Variants in TXK observed in about 807,000 individuals in gnomAD.
TXK encodes the protein TXK tyrosine kinase.
Under a neutral mutation model 81.0 loss-of-function variants are expected in TXK, and 60 were observed. That is an observed-to-expected ratio of 0.74 (90% CI 0.60 to 0.92). The LOEUF (loss-of-function observed/expected upper bound fraction) is 0.92. Among genes scored for constraint, TXK ranks in the 40% least tolerant of loss-of-function variants. TXK has a pLI of 0.00. For synonymous variants in TXK, 203 were observed against 210.7 expected (o/e 0.96, Z 0.32); for missense variants, 581 against 638.3 (o/e 0.91, Z 0.97).
At chr4:48,124,568 T>G (rs1320131813) in intron 1 of TXK, among the ~76,000 whole-genome samples, 1 of 152,110 alleles carries the variant, frequency 6.6e-6, no homozygotes, top group Non-Finnish European at 1.5e-5. Flanking sequence ...CTCTTCTTTT[T>G]TTCCACTCAT....
At position 48,113,059 on chromosome 4, in the gene TXK, T is replaced by A. The variant is rs893099206; in HGVS notation, c.174+148A>T. On this transcript the variant is annotated intron_variant, in intron 3 of 14. Coordinates refer to ENST00000264316, the MANE Select transcript of TXK (RefSeq NM_003328.3). ...GTCTTTTCTTTTTCCTTTTACTTTC[T>A]TCTAGAACATTCCTTCACAAATTAC... 3 of 489,938 alleles carry A rather than the reference T, an allele frequency of 6.1e-6. No individual in the cohort carries two copies. In the South Asian group the frequency reaches 1.4e-4, roughly 23 times the overall value. 30.3% of individuals were successfully genotyped at this position (489,938 alleles called of 1,614,324 possible).
At chr4:48,114,602 T>C (rs916840280) in intron 1 of TXK, 200 bp from the exon 2 acceptor site, 1 of 584,488 alleles carries the variant, frequency 1.7e-6, no homozygotes, top group African/African-American at 1.9e-5. Context: ...GTTTCCCTTC[T>C]CAGGCTCTTC....
intron 13 of TXK, among the ~76,000 whole-genome samples, chr4:48,073,426 C>A (rs2109398207): frequency 6.6e-6 from 1 of 152,240 alleles, no homozygotes; most frequent in Non-Finnish European, 1.5e-5. Context: ...ATATGAATAT[C>A]AATTTATAGA....
At chr4:48,077,614 C>A (rs1213564955) in intron 11 of TXK, among the ~76,000 whole-genome samples, 2 of 151,998 alleles carry the variant, frequency 1.3e-5, no homozygotes, top group Non-Finnish European at 2.9e-5. Context: ...GAAAGACAAA[C>A]CTGCAGAGAC....
chr4:48,108,838 C>T (rs1718542453), intron 5 of TXK, among the ~76,000 whole-genome samples: 1 of 152,116 alleles, frequency 6.6e-6, no homozygotes, highest in African/African-American at 2.4e-5. Context: ...TAGCCAGAGC[C>T]TAGGCCTTGT....
At position 48,094,129 on chromosome 4, in the gene TXK, G is replaced by GT; in HGVS notation, c.656dup (p.His219GlnfsTer8). The GT allele has an allele frequency of 6.2e-7, 1 of 1,613,590 alleles. No individual in the cohort carries two copies. The highest frequency in any genetic ancestry group is 1.3e-5 in the African/African-American group (1 of 75,042). ...TTAACTCAGGGATTGATTGAAAGGC[G>GT]TGTCTTTCAGCCACATACCACTGTC... On this transcript the variant is annotated frameshift_variant, in exon 8 of 15. Transcript: ENST00000264316. LOFTEE classifies it high-confidence loss of function.
intron 14 of TXK, 96 bp from the exon 15 acceptor site, chr4:48,067,801 C>A: frequency 8.4e-7 from 1 of 1,196,668 alleles, no homozygotes; most frequent in Non-Finnish European, 1.2e-6. Context: ...TCACTTATAT[C>A]CCACTGCTCG....
At chr4:48,110,425 C>G in intron 5 of TXK, 113 bp downstream of exon 5, 2 of 693,850 alleles carry the variant, frequency 2.9e-6, no homozygotes, top group Non-Finnish European at 5.0e-6. Flanking sequence ...TTATTATTAA[C>G]GCTGTCAAAT....
At chr4:48,069,433 C>A (rs1392077231) in intron 14 of TXK, among the ~76,000 whole-genome samples, 6 of 150,504 alleles carry the variant, frequency 4.0e-5, no homozygotes, top group Non-Finnish European at 7.4e-5. Context: ...TCAAACAATT[C>A]TCCTGCCTCA....
rs557414922 is a variant in TXK at position 48,112,338 on chromosome 4, G to A, written c.349C>T (p.Pro117Ser). The A allele has an allele frequency of 6.2e-7, 1 of 1,614,182 alleles. No homozygotes were observed. Among genetic ancestry groups the A allele is most frequent in the South Asian group, 1.1e-5 (1 of 91,080 alleles). The change falls in exon 4 of 15, where the codon CCT (proline) becomes TCT (serine). Residue 117 changes from proline to serine, a missense_variant. Pro to Ser is a moderately conservative substitution (Grantham distance 74). Transcript: ENST00000264316. ...CGGTCTCTTGCCTTCCACCAGTGAG[G>A]ATTGTATTTCTCCAGTATCAGGTAT... ...EEYLILEKYN[P>S]HWWKARDRLG...
intron 10 of TXK, among the ~76,000 whole-genome samples, chr4:48,086,052 C>T (rs6832750): frequency 0.88 from 133,362 of 152,152 alleles, 61,134 homozygotes; most frequent in East Asian, 1. Context: ...TAGACACTGT[C>T]GTGGGGCCAG....
chr4:48,113,189 TG>T lies in TXK; in HGVS notation c.174+17del, dbSNP rs1287349394. ...CAACCTTCTCCATTCCCCTCTTGCCTGTCAAAATGATACTTACTTGCTTCTT... is the reference window on the plus strand; with the variant it reads ...CAACCTTCTCCATTCCCCTCTTGCCTTCAAAATGATACTTACTTGCTTCTT... On this transcript the variant is annotated intron_variant, in intron 3 of 14. Transcript: ENST00000264316. 6.3e-7 allele frequency: 1 copy of T among 1,591,392 alleles called. No homozygotes were observed. Among genetic ancestry groups the T allele is most frequent in the Non-Finnish European group, 8.6e-7 (1 of 1,159,884 alleles).
chr4:48,070,530 T>C (rs895165533), intron 14 of TXK, among the ~76,000 whole-genome samples: 4 of 152,186 alleles, frequency 2.6e-5, no homozygotes, highest in African/African-American at 9.7e-5. Flanking sequence ...ACAAGCCTGG[T>C]TCTACCCTTA....
intron 9 of TXK, among the ~76,000 whole-genome samples, chr4:48,087,547 T>C (rs1224748839): frequency 6.6e-6 from 1 of 152,152 alleles, no homozygotes; most frequent in African/African-American, 2.4e-5. Context: ...GTGATTTTCC[T>C]GCCTCAGCCT....
chr4:48,080,919 CTTCTTTTCA>C (rs1717276019), intron 10 of TXK, among the ~76,000 whole-genome samples: 1 of 151,792 alleles, frequency 6.6e-6, no homozygotes, highest in Non-Finnish European at 1.5e-5. Context: ...AAAGTTATTG[CTTCTTTTCA>C]TTCTTTTCAT....
At chr4:48,090,619 CGCTTTCAATAAAA>C (rs1358098777) in intron 8 of TXK, among the ~76,000 whole-genome samples, 7 of 152,212 alleles carry the variant, frequency 4.6e-5, no homozygotes, top group South Asian at 4.1e-4. Context: ...GCCTGGTATG[CGCTTTCAATAAAA>C]GCTTTCAATA....
chr4:48,087,203 A>C lies in TXK; in HGVS notation c.785-566T>G, dbSNP rs142717108. ...AGCTGAAGTGAAATTTTTACTGTAT[A>C]TTTCTCATTTTATAGAAGCAAATCA... On this transcript the variant is annotated intron_variant, in intron 9 of 14. Coordinates refer to ENST00000264316, the MANE Select transcript of TXK (RefSeq NM_003328.3). Among the ~76,000 whole-genome samples the C allele has an allele frequency of 8.5e-5, 13 of 152,138 alleles. No homozygotes were observed. In the East Asian group the frequency reaches 2.3e-3, roughly 27 times the overall value.
At chr4:48,085,678 CAG>C (rs75455180) in intron 10 of TXK, among the ~76,000 whole-genome samples, 47,131 of 151,876 alleles carry the variant, frequency 0.31, 8,715 homozygotes, top group Non-Finnish European at 0.41. Context: ...TGGCAGGTGA[CAG>C]AGCAGTGCAG....
At chr4:48,083,678 T>C (rs1449848042) in intron 10 of TXK, among the ~76,000 whole-genome samples, 1 of 152,248 alleles carries the variant, frequency 6.6e-6, no homozygotes, top group African/African-American at 2.4e-5. Context: ...CAATAGTCCA[T>C]AAATGTTTTT....
Sources: allele counts gnomAD v4.1 joint callset (sites outside exome capture counted in the v4.1 genomes callset), GRCh38; gene constraint gnomAD v4.1.1; transcripts MANE v1.5; gene names NCBI Gene and HGNC (gene_info 2026-07-23, HGNC 2026-07-21).